Variants in PPFIA2 observed in about 807,000 individuals in gnomAD.
PPFIA2 encodes the protein PPFI scaffold protein A2, also known as liprin-alpha-2.
In PPFIA2, 46 loss-of-function variants were observed where a neutral mutation model predicts 175.5. The observed-to-expected ratio is 0.26, with a 90% CI of 0.21 to 0.34. PPFIA2 has a LOEUF of 0.34. Ranked by LOEUF, PPFIA2 falls within the 10% of genes least tolerant of loss-of-function variation. The pLI, the probability that PPFIA2 is intolerant of heterozygous loss-of-function variation, is 1.00. For synonymous variants in PPFIA2, 568 were observed against 511.4 expected (o/e 1.11, Z -1.49); for missense variants, 1,179 against 1,506.1 (o/e 0.78, Z 3.60).
intron 4 of PPFIA2, among the ~76,000 whole-genome samples, chr12:81,532,130 A>T (rs2064664179): frequency 6.6e-6 from 1 of 151,766 alleles, no homozygotes; most frequent in South Asian, 2.1e-4. Flanking sequence ...TTATACAGAA[A>T]ACTTTTCACT....
chr12:81,531,463 G>A (rs912900186), intron 4 of PPFIA2, among the ~76,000 whole-genome samples: 1 of 151,774 alleles, frequency 6.6e-6, no homozygotes, highest in East Asian at 1.9e-4. Context: ...CTTTCTGGGT[G>A]AATTAAAGCT....
At chr12:81,349,041 A>C (rs2059567829) in intron 17 of PPFIA2, among the ~76,000 whole-genome samples, 1 of 152,174 alleles carries the variant, frequency 6.6e-6, no homozygotes, top group Admixed American at 6.5e-5. Context: ...TTTATTCGCT[A>C]AATTTATTCA....
At chr12:81,496,074 AC>A (rs2059993065) in intron 4 of PPFIA2, among the ~76,000 whole-genome samples, 2 of 152,258 alleles carry the variant, frequency 1.3e-5, no homozygotes, top group South Asian at 4.1e-4. Context: ...TTGTTTGGAG[AC>A]CCAGGAGTTT....
intron 4 of PPFIA2, among the ~76,000 whole-genome samples, chr12:81,542,230 C>A (rs540704003): frequency 6.6e-6 from 1 of 152,152 alleles, no homozygotes; most frequent in African/African-American, 2.4e-5. Context: ...ACCATGCAAG[C>A]TGAGACTGGG....
intron 4 of PPFIA2, chr12:81,598,405 A>G (rs2059474880): frequency 9.6e-7 from 1 of 1,040,876 alleles, no homozygotes; most frequent in Admixed American, 5.2e-5. Flanking sequence ...ACAGTCTAGC[A>G]GAGTGATTAT....
intron 22 of PPFIA2, among the ~76,000 whole-genome samples, chr12:81,324,743 A>C (rs1479023503): frequency 6.6e-6 from 1 of 151,950 alleles, no homozygotes; most frequent in Non-Finnish European, 1.5e-5. Context: ...TGAGCATTTG[A>C]TTGTATGGTA....
chr12:81,390,072 A>G (rs1195323419), intron 8 of PPFIA2, among the ~76,000 whole-genome samples: 2 of 152,062 alleles, frequency 1.3e-5, no homozygotes, highest in East Asian at 3.9e-4. Context: ...TGCACTGAGC[A>G]TGATGTTTTT....
At chr12:81,400,885 C>T (rs2041991468) in intron 8 of PPFIA2, among the ~76,000 whole-genome samples, 1 of 152,150 alleles carries the variant, frequency 6.6e-6, no homozygotes. Flanking sequence ...AAGGATCAGT[C>T]AACTCCACTC....
At chr12:81,658,166 G>A (rs901170026) in intron 4 of PPFIA2, among the ~76,000 whole-genome samples, 1 of 151,774 alleles carries the variant, frequency 6.6e-6, no homozygotes, top group African/African-American at 2.4e-5. Context: ...TACTTGGGAG[G>A]CTGAGGCAGG....
At chr12:81,368,886 C>A in intron 12 of PPFIA2, 30 bp from the exon 13 acceptor site, 6 of 1,584,842 alleles carry the variant, frequency 3.8e-6, no homozygotes, top group Non-Finnish European at 5.1e-6. Context: ...CATAAAAATC[C>A]ATTCAAAAAC....
chr12:81,337,929 T>C (rs1184885807), intron 21 of PPFIA2, among the ~76,000 whole-genome samples: 1 of 152,154 alleles, frequency 6.6e-6, no homozygotes, highest in African/African-American at 2.4e-5. Context: ...AATAATATTA[T>C]GTATAGCCTA....
At chr12:81,481,036 A>T (rs1407227683) in intron 4 of PPFIA2, among the ~76,000 whole-genome samples, 1 of 152,236 alleles carries the variant, frequency 6.6e-6, no homozygotes, top group African/African-American at 2.4e-5. Context: ...AAGCAGCTTC[A>T]ACAAAGTCTC....
chr12:81,531,592 C>T (rs146037811), intron 4 of PPFIA2, among the ~76,000 whole-genome samples: 102 of 151,136 alleles, frequency 6.7e-4, no homozygotes, highest in African/African-American at 2.2e-3. Flanking sequence ...TAATTAATAA[C>T]GAATAAGTGA....
chr12:81,363,462 G>T (rs939661497), intron 14 of PPFIA2, among the ~76,000 whole-genome samples: 1 of 151,342 alleles, frequency 6.6e-6, no homozygotes, highest in African/African-American at 2.4e-5. Flanking sequence ...TGAAGATAGG[G>T]GTTGTCTTAG....
At chr12:81,585,886 A>G (rs1567456789) in intron 4 of PPFIA2, among the ~76,000 whole-genome samples, 1 of 151,938 alleles carries the variant, frequency 6.6e-6, no homozygotes, top group Non-Finnish European at 1.5e-5. Context: ...CTTGCAGCAT[A>G]GTAGGTTTGT....
chr12:81,710,297 C>T (rs1172873574), intron 3 of PPFIA2, among the ~76,000 whole-genome samples: 1 of 88,606 alleles, frequency 1.1e-5, no homozygotes, highest in Non-Finnish European at 2.1e-5. Flanking sequence ...GAAAATTGCA[C>T]ACTCTCTCTC....
chr12:81,359,844 T>TTA, intron 15 of PPFIA2, among the ~76,000 whole-genome samples: 1 of 152,060 alleles, frequency 6.6e-6, no homozygotes, highest in Non-Finnish European at 1.5e-5. Flanking sequence ...TCATATCAAT[T>TTA]TCCTGCTTAA....
chr12:81,493,752 GTCTATATA>G (rs1391819450), intron 4 of PPFIA2, among the ~76,000 whole-genome samples: 16 of 65,240 alleles, frequency 2.5e-4, no homozygotes, highest in Admixed American at 1.9e-3. Context: ...GTGTGTGTGT[GTCTATATA>G]TATATATATA....
chr12:81,281,841 C>T (rs2042153331), intron 26 of PPFIA2, among the ~76,000 whole-genome samples: 1 of 152,042 alleles, frequency 6.6e-6, no homozygotes, highest in Non-Finnish European at 1.5e-5. Context: ...CTTATCAATG[C>T]CACTACTACC....
Sources: gnomAD v4.1 joint callset for allele counts (sites outside exome capture counted in the v4.1 genomes callset) on GRCh38, gnomAD v4.1.1 for gene constraint, MANE v1.5 for transcripts, NCBI Gene and HGNC (gene_info 2026-07-23, HGNC 2026-07-21) for gene names.